The following TMEM38B variants were observed in gnomAD, a reference collection of about 807,000 sequenced individuals.
The protein encoded by TMEM38B is transmembrane protein 38B, also known as trimeric intracellular cation channel type B.
TMEM38B carries 24 observed loss-of-function variants against 28.7 expected under a neutral mutation model. The ratio of observed to expected loss-of-function variants is 0.84; its 90% CI spans 0.61 to 1.18. TMEM38B has a LOEUF of 1.18. Ranked by LOEUF, TMEM38B falls within the 50% of genes most tolerant of loss-of-function variation. TMEM38B has a pLI of 0.00. For missense variants in TMEM38B, 380 were observed against 350.9 expected (o/e 1.08, Z -0.66); for synonymous variants, 131 against 127.7 (o/e 1.03, Z -0.17).
chr9:105,746,541 C>T, intron 4 of TMEM38B, among the ~76,000 whole-genome samples: 1 of 152,186 alleles, frequency 6.6e-6, no homozygotes. Context: ...AATTTGACTT[C>T]CTCTTTTCCT....
intron 5 of TMEM38B, among the ~76,000 whole-genome samples, chr9:105,769,252 T>C (rs1826468928): frequency 6.6e-6 from 1 of 152,180 alleles, no homozygotes. Flanking sequence ...TTGAGAAACA[T>C]TAATTAAAAT....
intron 1 of TMEM38B, among the ~76,000 whole-genome samples, chr9:105,696,287 T>C (rs555387493): frequency 2.6e-5 from 4 of 151,770 alleles, no homozygotes; most frequent in African/African-American, 7.3e-5. Flanking sequence ...ACATTATCAT[T>C]ATTATTATTA....
intron 5 of TMEM38B, among the ~76,000 whole-genome samples, chr9:105,770,433 A>G (rs1045150231): frequency 9.2e-5 from 14 of 152,300 alleles, no homozygotes; most frequent in African/African-American, 3.4e-4. Flanking sequence ...ACACTTAAAG[A>G]TATACATTGA....
intron 2 of TMEM38B, among the ~76,000 whole-genome samples, chr9:105,719,572 G>T (rs929429536): frequency 1.3e-5 from 2 of 152,060 alleles, no homozygotes; most frequent in Admixed American, 6.5e-5. Context: ...TTGCCCTGTG[G>T]CTACTTAACT....
intron 4 of TMEM38B, among the ~76,000 whole-genome samples, chr9:105,731,045 T>C (rs1313844347): frequency 6.6e-6 from 1 of 152,138 alleles, no homozygotes; most frequent in African/African-American, 2.4e-5. Flanking sequence ...TTTGAAGGGT[T>C]TTTTGTGTCT....
chr9:105,736,249 T>C lies in TMEM38B; in HGVS notation c.543-11824T>C, dbSNP rs1234814863. Among the ~76,000 whole-genome samples, 3 of 152,140 alleles carry C rather than the reference T, an allele frequency of 2.0e-5. No individual in the cohort carries two copies. In the South Asian group the frequency reaches 6.2e-4, roughly 32 times the overall value. ...TAGCTTTCATAATGTGAAAATTTGT[T>C]TGCCAGATAGTGTCCTATAAGTCCC... On this transcript the variant is annotated intron_variant, in intron 4 of 5. Coordinates refer to ENST00000374692, the MANE Select transcript of TMEM38B (RefSeq NM_018112.3).
chr9:105,710,442 A>C (rs1272765085), intron 2 of TMEM38B: 2 of 1,374,374 alleles, frequency 1.5e-6, no homozygotes, highest in Non-Finnish European at 2.1e-6. Flanking sequence ...TATCTGTCAT[A>C]ATCATCATAG....
intron 5 of TMEM38B, among the ~76,000 whole-genome samples, chr9:105,757,203 C>T (rs1837864163): frequency 6.6e-6 from 1 of 152,184 alleles, no homozygotes. Context: ...TGGTCTTCAA[C>T]TCCATCCAGG....
chr9:105,730,666 T>G (rs1836707863), intron 4 of TMEM38B, among the ~76,000 whole-genome samples: 1 of 152,238 alleles, frequency 6.6e-6, no homozygotes, highest in Non-Finnish European at 1.5e-5. Flanking sequence ...ATACCTCCTG[T>G]AGAATTTGGC....
At chr9:105,766,324 ATC>A (rs1826369961) in intron 5 of TMEM38B, among the ~76,000 whole-genome samples, 1 of 152,196 alleles carries the variant, frequency 6.6e-6, no homozygotes, top group Non-Finnish European at 1.5e-5. Flanking sequence ...ATGAAGTGAT[ATC>A]GCATTATAGT....
intron 4 of TMEM38B, among the ~76,000 whole-genome samples, chr9:105,739,432 G>A (rs1360733272): frequency 6.6e-6 from 1 of 151,864 alleles, no homozygotes; most frequent in Admixed American, 6.6e-5. Context: ...AAGTAATCAA[G>A]TGAAAAACAA....
chr9:105,695,142 TCCTCGCGGTACCGCCACTC>T (rs1835242515), intron 1 of TMEM38B, among the ~76,000 whole-genome samples: 1 of 143,384 alleles, frequency 7.0e-6, no homozygotes, highest in African/African-American at 2.9e-5. Flanking sequence ...TTGGGCGGCC[TCCTCGCGGTACCGCCACTC>T]GCTCGCAGTG....
chr9:105,767,281 C>G (rs1826407566), intron 5 of TMEM38B, among the ~76,000 whole-genome samples: 1 of 151,992 alleles, frequency 6.6e-6, no homozygotes, highest in Non-Finnish European at 1.5e-5. Flanking sequence ...TATTTCTAGA[C>G]TATATTCTGT....
intron 2 of TMEM38B, among the ~76,000 whole-genome samples, chr9:105,714,851 G>T (rs2133567738): frequency 6.6e-6 from 1 of 152,274 alleles, no homozygotes; most frequent in South Asian, 2.1e-4. Context: ...ACCACAATTT[G>T]AGTGCTAGAG....
At chr9:105,759,868 A>G in intron 5 of TMEM38B, 1 of 1,588,290 alleles carries the variant, frequency 6.3e-7, no homozygotes. Context: ...TTTAAGAAGT[A>G]GTACAAGAAG....
intron 5 of TMEM38B, among the ~76,000 whole-genome samples, chr9:105,750,768 A>G (rs186532648): frequency 3.9e-4 from 60 of 152,252 alleles, no homozygotes; most frequent in African/African-American, 1.4e-3. Context: ...AGAGTTTTAT[A>G]GTTTTAGCTC....
intron 5 of TMEM38B, among the ~76,000 whole-genome samples, chr9:105,749,651 A>G (rs1837572306): frequency 6.6e-6 from 1 of 152,250 alleles, no homozygotes; most frequent in Admixed American, 6.5e-5. Context: ...AATTATCACT[A>G]CAAATCAGTA....
At chr9:105,761,112 G>A (rs1046508669) in intron 5 of TMEM38B, among the ~76,000 whole-genome samples, 3 of 152,142 alleles carry the variant, frequency 2.0e-5, no homozygotes, top group Non-Finnish European at 4.4e-5. Context: ...CTGCATATGT[G>A]CAAGTTCTGA....
At chr9:105,737,086 G>A (rs1406557957) in intron 4 of TMEM38B, among the ~76,000 whole-genome samples, 1 of 152,216 alleles carries the variant, frequency 6.6e-6, no homozygotes, top group Non-Finnish European at 1.5e-5. Flanking sequence ...GGGCTGCAGG[G>A]TGCGTGCTTG....
Sources: gnomAD v4.1 joint callset for allele counts (sites outside exome capture counted in the v4.1 genomes callset) on GRCh38, gnomAD v4.1.1 for gene constraint, MANE v1.5 for transcripts, NCBI Gene and HGNC (gene_info 2026-07-23, HGNC 2026-07-21) for gene names.